The following LRP1B variants were observed in gnomAD, a reference collection of about 807,000 sequenced individuals.
LRP1B encodes LDL receptor related protein 1B.
LRP1B carries 217 observed loss-of-function variants against 556.6 expected under a neutral mutation model. The ratio of observed to expected loss-of-function variants is 0.39; its 90% CI spans 0.35 to 0.44. LRP1B has a LOEUF of 0.44. LRP1B is among the 20% of genes least tolerant of loss of function. The pLI is 1.00. For missense variants in LRP1B, 5,053 were observed against 5,620.8 expected (o/e 0.90, Z 3.23); for synonymous variants, 2,047 against 1,865.8 (o/e 1.10, Z -2.50).
intron 3 of LRP1B, among the ~76,000 whole-genome samples, chr2:141,351,886 T>C (rs1688456987): frequency 6.6e-6 from 1 of 151,824 alleles, no homozygotes; most frequent in African/African-American, 2.4e-5. Flanking sequence ...AGATAGGCTA[T>C]ATAGTGACAG....
chr2:141,494,501 T>C (rs1288882984), intron 2 of LRP1B, among the ~76,000 whole-genome samples: 1 of 152,006 alleles, frequency 6.6e-6, no homozygotes, highest in African/African-American at 2.4e-5. Flanking sequence ...TGAGTTCATA[T>C]GACTGCCTCA....
At chr2:141,343,435 T>C (rs1248987323) in intron 3 of LRP1B, among the ~76,000 whole-genome samples, 2 of 152,210 alleles carry the variant, frequency 1.3e-5, no homozygotes, top group African/African-American at 2.4e-5. Context: ...TGATTGGCTG[T>C]CAATTTTTGA....
At chr2:140,825,605 G>A (rs774380188) in intron 31 of LRP1B, among the ~76,000 whole-genome samples, 7 of 151,994 alleles carry the variant, frequency 4.6e-5, no homozygotes, top group Admixed American at 2.0e-4. Flanking sequence ...TGCATTTAAC[G>A]CATTAAGCTA....
chr2:141,527,544 A>G (rs953629139), intron 2 of LRP1B, among the ~76,000 whole-genome samples: 1 of 152,116 alleles, frequency 6.6e-6, no homozygotes, highest in Non-Finnish European at 1.5e-5. Flanking sequence ...TTTCACCTAT[A>G]CAAATGGAAT....
rs114040567 is a variant in LRP1B at position 140,597,038 on chromosome 2, T to A, written c.7194+1593A>T. 7.5e-3 allele frequency among the ~76,000 whole-genome samples: 1,149 copies of A among 152,256 alleles called. 18 individuals are homozygous for A. The highest frequency in any genetic ancestry group is 0.025 in the African/African-American group (1,019 of 41,560). On this transcript the variant is annotated intron_variant, in intron 43 of 90. Transcript: ENST00000389484. ...AAATTAACTTTTGCAAAATAAAGAA[T>A]TTTTAAAATGTATTGCTCATTTTAT...
At chr2:140,487,342 C>T (rs1486129478) in intron 58 of LRP1B, among the ~76,000 whole-genome samples, 1 of 151,824 alleles carries the variant, frequency 6.6e-6, no homozygotes, top group Non-Finnish European at 1.5e-5. Flanking sequence ...GCTGAAAGCA[C>T]CCATCCCATT....
intron 57 of LRP1B, among the ~76,000 whole-genome samples, chr2:140,489,203 T>C (rs1283285565): frequency 6.6e-6 from 1 of 152,034 alleles, no homozygotes; most frequent in African/African-American, 2.4e-5. Context: ...GTTCAAATTT[T>C]ATGCTTTTAT....
intron 27 of LRP1B, among the ~76,000 whole-genome samples, chr2:140,855,059 T>C (rs1356343251): frequency 6.6e-6 from 1 of 152,190 alleles, no homozygotes; most frequent in Non-Finnish European, 1.5e-5. Flanking sequence ...GAGATATACC[T>C]GTAATAACCC....
rs376937171 is a variant in LRP1B at position 142,115,544 on chromosome 2, AAT to A, written c.82+15102_82+15103del. Among the ~76,000 whole-genome samples, 19 of 39,868 alleles carry A rather than the reference AAT, an allele frequency of 4.8e-4. 2 individuals are homozygous for A. Among genetic ancestry groups the A allele is most frequent in the Admixed American group, 4.9e-4 (1 of 2,038 alleles). The allele number at this position is 39,868 out of a possible 152,430, so 26.2% of individuals were successfully genotyped here. On this transcript the variant is annotated intron_variant, in intron 1 of 90. Transcript: ENST00000389484. ...TATATAATATATATATTACATATGTAATATATATATTATATATGTAATATATA... is the reference window on the plus strand; with the variant it reads ...TATATAATATATATATTACATATGTAATATATATTATATATGTAATATATA...
chr2:140,735,987 G>A (rs1028660795), intron 35 of LRP1B, among the ~76,000 whole-genome samples: 1 of 152,042 alleles, frequency 6.6e-6, no homozygotes, highest in Admixed American at 6.5e-5. Flanking sequence ...GCACATTCTC[G>A]GTATATGGGA....
chr2:140,477,972 A>T lies in LRP1B; in HGVS notation c.9426-2635T>A, dbSNP rs376508294. On this transcript the variant is annotated intron_variant, in intron 59 of 90. Transcript: ENST00000389484. ...AGCTAATAAAAATTTTTTACTATGG[A>T]AGTACAAAAGAGTGAATAATAATTT... Among the ~76,000 whole-genome samples, 3 of 152,042 alleles carry T rather than the reference A, an allele frequency of 2.0e-5. No individual in the cohort carries two copies. The East Asian group carries it at 5.8e-4, about 29-fold the overall frequency.
chr2:141,750,355 C>G (rs1694064564), intron 2 of LRP1B, among the ~76,000 whole-genome samples: 1 of 152,074 alleles, frequency 6.6e-6, no homozygotes, highest in Non-Finnish European at 1.5e-5. Context: ...GTGACATCAG[C>G]AATCTCTGTA....
chr2:140,581,712 C>T (rs527622894), intron 43 of LRP1B, among the ~76,000 whole-genome samples: 1 of 151,950 alleles, frequency 6.6e-6, no homozygotes, highest in Non-Finnish European at 1.5e-5. Context: ...TATTGCCAAC[C>T]AAATGTTAGC....
chr2:140,867,646 T>C lies in LRP1B; in HGVS notation c.4523A>G (p.Lys1508Arg), dbSNP rs2105153478. 6.2e-7 allele frequency: 1 copy of C among 1,613,518 alleles called. No individual in the cohort carries two copies. The highest frequency in any genetic ancestry group is 8.5e-7 in the Non-Finnish European group (1 of 1,179,632). The change falls in exon 27 of 91, where the codon AAA becomes AGA. Residue 1508 changes from lysine to arginine, a missense_variant. Physicochemically the swap from Lys to Arg is conservative, Grantham distance 26. This residue lies in a region of LRP1B where 3,619 missense variants were observed against 3,931.9 expected (regional missense o/e 0.92). Coordinates refer to ENST00000389484, the MANE Select transcript of LRP1B (RefSeq NM_018557.3). ...WTGQNVSVIQ[K>R]TSAQPFDLQI... ...AAGGTCAAATGGCTGTGCACTGGTT[T>C]TCTGAATCACACTGACATTCTGCCC... is the stretch of plus-strand genomic sequence containing the variant.
At chr2:140,429,064 C>T (rs973123771) in intron 66 of LRP1B, among the ~76,000 whole-genome samples, 28 of 152,238 alleles carry the variant, frequency 1.8e-4, no homozygotes, top group East Asian at 7.8e-4. Context: ...TCCTTGGCAA[C>T]GGATCATGCA....
At chr2:140,259,269 A>C (rs529148910) in intron 86 of LRP1B, among the ~76,000 whole-genome samples, 1 of 152,092 alleles carries the variant, frequency 6.6e-6, no homozygotes, top group Non-Finnish European at 1.5e-5. Flanking sequence ...TTTGAGAGAC[A>C]ATCACAAAGT....
chr2:141,504,101 T>C (rs545890861), intron 2 of LRP1B, among the ~76,000 whole-genome samples: 31 of 152,242 alleles, frequency 2.0e-4, no homozygotes, highest in African/African-American at 7.2e-4. Context: ...GGAGGGATAT[T>C]GTGTGATAAA....
At chr2:141,296,814 C>T (rs1264549389) in intron 3 of LRP1B, among the ~76,000 whole-genome samples, 3 of 152,042 alleles carry the variant, frequency 2.0e-5, no homozygotes, top group African/African-American at 7.2e-5. Flanking sequence ...GTTCCCATTA[C>T]CCAGGTACTG....
chr2:140,865,965 T>A (rs906491366), intron 27 of LRP1B, among the ~76,000 whole-genome samples: 1 of 152,054 alleles, frequency 6.6e-6, no homozygotes, highest in Non-Finnish European at 1.5e-5. Context: ...CTAAGGGTCA[T>A]GCCAATGCAG....
Sources: gnomAD v4.1 joint callset for allele counts (sites outside exome capture counted in the v4.1 genomes callset) on GRCh38, gnomAD v4.1.1 for gene constraint, gnomAD v4.1.1 regional missense constraint, MANE v1.5 for transcripts, NCBI Gene and HGNC (gene_info 2026-07-23, HGNC 2026-07-21) for gene names.